Variants in CAMTA1 observed in about 807,000 individuals in gnomAD.
CAMTA1 encodes the protein calmodulin binding transcription activator 1, also known as calmodulin-binding transcription activator 1.
Under a neutral mutation model 170.9 loss-of-function variants are expected in CAMTA1, and 27 were observed. That is an observed-to-expected ratio of 0.16 (90% CI 0.12 to 0.22). The LOEUF (loss-of-function observed/expected upper bound fraction) is 0.22, where lower values mean the gene tolerates loss of function less well. CAMTA1 is among the 10% of genes least tolerant of loss of function. The probability of loss-of-function intolerance (pLI) is 1.00; values close to 1 mark genes in which losing one functional copy is unlikely to be tolerated. For synonymous variants in CAMTA1, 833 were observed against 891.5 expected (o/e 0.93, Z 1.17); for missense variants, 1,619 against 2,217.2 (o/e 0.73, Z 5.42).
chr1:7,542,708 T>G (rs2094628343), intron 6 of CAMTA1, among the ~76,000 whole-genome samples: 1 of 151,948 alleles, frequency 6.6e-6, no homozygotes, highest in African/African-American at 2.4e-5. Context: ...TTTGTATTTT[T>G]AGTAGAGACG....
chr1:7,744,905 T>C lies in CAMTA1; in HGVS notation c.4253T>C (p.Val1418Ala). Residue 1418 changes from valine (V) to alanine (A), a missense_variant, in exon 17 of 23, where the codon GTG (valine) becomes GCG (alanine). This residue lies in a region of CAMTA1 where 370 missense variants were observed against 429.4 expected (regional missense o/e 0.86). Transcript: ENST00000303635. ...GACCGAATCAAGCAGGAGAATTTTG[T>C]GCCCATGGAGTCCTCAGGATTGGAA... The part of the protein sequence containing the change: ...TPDRIKQENF[V>A]PMESSGLERT... 1 of 1,614,122 alleles carries C rather than the reference T, an allele frequency of 6.2e-7. No individual in the cohort carries two copies. The highest frequency in any genetic ancestry group is 8.5e-7 in the Non-Finnish European group (1 of 1,180,010).
At chr1:7,232,482 C>T (rs1663022331) in intron 4 of CAMTA1, among the ~76,000 whole-genome samples, 1 of 152,200 alleles carries the variant, frequency 6.6e-6, no homozygotes, top group Non-Finnish European at 1.5e-5. Context: ...GCACAGAATT[C>T]CTATCTTGGG....
chr1:7,366,086 A>G (rs1446180718), intron 5 of CAMTA1, among the ~76,000 whole-genome samples: 2 of 152,146 alleles, frequency 1.3e-5, no homozygotes, highest in Admixed American at 6.5e-5. Flanking sequence ...ACCCCAATGT[A>G]CTTGGCACAG....
chr1:7,041,545 C>A lies in CAMTA1; in HGVS notation c.235-49759C>A, dbSNP rs1035942381. 6.6e-6 allele frequency among the ~76,000 whole-genome samples: 1 copy of A among 152,104 alleles called. No homozygotes were observed. Among genetic ancestry groups the A allele is most frequent in the Non-Finnish European group, 1.5e-5 (1 of 68,026 alleles). Reference sequence around the variant, plus strand: ...AACTCTTACGAAATTAAGCATAATGCGAAAACATGCTGAAAAGACAGTTCT... The same window carrying A: ...AACTCTTACGAAATTAAGCATAATGAGAAAACATGCTGAAAAGACAGTTCT... On this transcript the variant is annotated intron_variant, in intron 3 of 22. Transcript: ENST00000303635. The surrounding 1 kb of genome is among the most constrained non-coding windows in gnomAD (Gnocchi z 5.1).
chr1:6,796,692 C>T (rs148849768), intron 1 of CAMTA1, among the ~76,000 whole-genome samples: 2 of 151,870 alleles, frequency 1.3e-5, no homozygotes, highest in African/African-American at 2.4e-5. Context: ...GTGCATCTAC[C>T]CTGGATTGTG....
chr1:7,272,162 A>T (rs1669900297), intron 5 of CAMTA1, among the ~76,000 whole-genome samples: 1 of 152,166 alleles, frequency 6.6e-6, no homozygotes, highest in Non-Finnish European at 1.5e-5. Context: ...ATCAAGAAGA[A>T]TATAATATTT....
chr1:7,191,643 C>G (rs1413002823), intron 4 of CAMTA1, among the ~76,000 whole-genome samples: 1 of 152,130 alleles, frequency 6.6e-6, no homozygotes, highest in Non-Finnish European at 1.5e-5. Flanking sequence ...TAAATTTGGT[C>G]ATTAAGTTTC....
At chr1:7,172,624 C>T (rs1649889174) in intron 4 of CAMTA1, among the ~76,000 whole-genome samples, 1 of 152,184 alleles carries the variant, frequency 6.6e-6, no homozygotes, top group Non-Finnish European at 1.5e-5. Flanking sequence ...ATGAGGGATG[C>T]CCAGCCTGGG....
intron 11 of CAMTA1, among the ~76,000 whole-genome samples, chr1:7,720,203 G>T (rs895332007): frequency 6.6e-6 from 1 of 152,220 alleles, no homozygotes; most frequent in Middle Eastern, 3.4e-3. Context: ...TAACCCGATC[G>T]AAACCTCATG....
At chr1:7,671,160 G>A (rs1275487470) in intron 10 of CAMTA1, 123 bp downstream of exon 10, 21 of 1,094,754 alleles carry the variant, frequency 1.9e-5, no homozygotes, top group South Asian at 3.0e-5. Flanking sequence ...CAGTTTCCTC[G>A]GCTGTGAAGA....
At chr1:7,303,915 G>A (rs1675181713) in intron 5 of CAMTA1, among the ~76,000 whole-genome samples, 1 of 152,144 alleles carries the variant, frequency 6.6e-6, no homozygotes, top group Admixed American at 6.5e-5. Flanking sequence ...GAACAACCTG[G>A]ACAAGTCCTA....
chr1:7,658,196 T>C (rs1382941905), intron 7 of CAMTA1, among the ~76,000 whole-genome samples: 1 of 152,204 alleles, frequency 6.6e-6, no homozygotes, highest in Non-Finnish European at 1.5e-5. Context: ...CCAGAGAACA[T>C]GTGGCCTGGC....
chr1:6,816,331 C>G (rs1051605978), intron 1 of CAMTA1, among the ~76,000 whole-genome samples: 1 of 152,156 alleles, frequency 6.6e-6, no homozygotes, highest in Admixed American at 6.5e-5. Context: ...GTCTTCCCCC[C>G]ACTAGAATGT....
intron 3 of CAMTA1, among the ~76,000 whole-genome samples, chr1:6,983,428 T>C (rs1274273742): frequency 6.6e-6 from 1 of 152,160 alleles, no homozygotes; most frequent in Non-Finnish European, 1.5e-5. Flanking sequence ...TCACTCTTAC[T>C]AAGTCTCAGT....
chr1:7,398,179 CTCT>C (rs2089503827), intron 5 of CAMTA1, among the ~76,000 whole-genome samples: 1 of 43,740 alleles, frequency 2.3e-5, no homozygotes, highest in African/African-American at 9.1e-5. Context: ...CTCTCTCTCT[CTCT>C]CTCTCTCTCT....
At chr1:7,097,626 G>A (rs974193111) in intron 4 of CAMTA1, among the ~76,000 whole-genome samples, 1 of 152,222 alleles carries the variant, frequency 6.6e-6, no homozygotes, top group Admixed American at 6.5e-5. Flanking sequence ...AAGGCTGCTC[G>A]AGTGACTGGA....
Position 7,743,889 on chromosome 1 carries a change from C to G in CAMTA1, c.4183-946C>G, listed in dbSNP as rs533434234. Among the ~76,000 whole-genome samples, 187 of 150,522 alleles carry G rather than the reference C, an allele frequency of 1.2e-3. 3 individuals are homozygous for G. The highest frequency in any genetic ancestry group is 0.01 in the Middle Eastern group (3 of 290). On this transcript the variant is annotated intron_variant, in intron 16 of 22. Transcript: ENST00000303635. ...TCGCCCAGGCTGGAGTGCAGTGGCGCGATCTTGGCTTACTGCAAGCTCCAC... is the reference window on the plus strand; with the variant it reads ...TCGCCCAGGCTGGAGTGCAGTGGCGGGATCTTGGCTTACTGCAAGCTCCAC...
intron 5 of CAMTA1, among the ~76,000 whole-genome samples, chr1:7,444,126 G>A (rs1381872537): frequency 6.6e-6 from 1 of 152,152 alleles, no homozygotes; most frequent in Non-Finnish European, 1.5e-5. Flanking sequence ...GGCTGAATTG[G>A]CCTCTTCTAC....
At chr1:7,110,465 G>A (rs911708924) in intron 4 of CAMTA1, among the ~76,000 whole-genome samples, 9 of 152,106 alleles carry the variant, frequency 5.9e-5, no homozygotes, top group East Asian at 1.9e-4. Flanking sequence ...CGAGCAGGCC[G>A]GGCCAGTCTG....
Sources: allele counts gnomAD v4.1 joint callset (sites outside exome capture counted in the v4.1 genomes callset), GRCh38; gene constraint gnomAD v4.1.1; regional missense constraint gnomAD v4.1.1; non-coding constraint Gnocchi (gnomAD v3.1); transcripts MANE v1.5; gene names NCBI Gene and HGNC (gene_info 2026-07-23, HGNC 2026-07-21).